C3orf20: variants seen among roughly 807,000 people sequenced by gnomAD.
C3orf20 encodes uncharacterized protein C3orf20.
C3orf20 carries 76 observed loss-of-function variants against 88.3 expected under a neutral mutation model. That is an observed-to-expected ratio of 0.86 (90% confidence interval 0.72 to 1.04). The LOEUF (loss-of-function observed/expected upper bound fraction) is 1.04. Ranked by LOEUF, C3orf20 falls within the 50% of genes least tolerant of loss-of-function variation. The probability of loss-of-function intolerance (pLI) is 0.00; values close to 1 mark genes in which losing one functional copy is unlikely to be tolerated. For missense variants in C3orf20, 1,056 were observed against 1,123.3 expected (o/e 0.94, Z 0.86); for synonymous variants, 436 against 437.4 (o/e 1.00, Z 0.04).
chr3:14,762,478 G>A (rs1278160813), intron 15 of C3orf20, among the ~76,000 whole-genome samples: 2 of 152,198 alleles, frequency 1.3e-5, no homozygotes, highest in Non-Finnish European at 2.9e-5. Flanking sequence ...AGAATGCCTG[G>A]GCAGCACGGT....
chr3:14,740,007 A>G (rs1333120028), intron 12 of C3orf20, among the ~76,000 whole-genome samples: 3 of 152,370 alleles, frequency 2.0e-5, no homozygotes, highest in Non-Finnish European at 2.9e-5. Flanking sequence ...CATATCAGCA[A>G]TAAGGCTGTT....
chr3:14,728,322 G>A, intron 11 of C3orf20, 117 bp from the exon 12 acceptor site: 1 of 1,227,362 alleles, frequency 8.1e-7, no homozygotes, highest in Non-Finnish European at 1.2e-6. Context: ...ATCAATGAGA[G>A]CGGAGGGGAG....
At chr3:14,678,396 G>A (rs893275159) in intron 1 of C3orf20, among the ~76,000 whole-genome samples, 7 of 152,192 alleles carry the variant, frequency 4.6e-5, no homozygotes, top group Non-Finnish European at 1.0e-4. Context: ...CCCTCCCAGT[G>A]ACACTTCCTT....
At chr3:14,704,823 C>T (rs2033431236) in intron 7 of C3orf20, among the ~76,000 whole-genome samples, 1 of 152,150 alleles carries the variant, frequency 6.6e-6, no homozygotes, top group African/African-American at 2.4e-5. Context: ...ACGTTCAGTT[C>T]AGATCAACAG....
chr3:14,690,126 G>A lies in C3orf20; in HGVS notation c.745+10G>A. ...GCCAAGAAGAAAATAGGTAAAAATGGTTCCTCGTGGCCTACCATTCATTGG... is the reference window on the plus strand; with the variant it reads ...GCCAAGAAGAAAATAGGTAAAAATGATTCCTCGTGGCCTACCATTCATTGG... On this transcript the variant is annotated intron_variant, in intron 5 of 16. Coordinates refer to ENST00000253697, the MANE Select transcript of C3orf20 (RefSeq NM_032137.5). 6.2e-7 allele frequency: 1 copy of A among 1,613,908 alleles called. No individual in the cohort carries two copies. The highest frequency in any genetic ancestry group is 8.5e-7 in the Non-Finnish European group (1 of 1,179,864).
At position 14,704,511 on chromosome 3, in the gene C3orf20, C is replaced by A. The variant is rs182924659; in HGVS notation, c.1053C>A (p.His351Gln). The stretch of plus-strand genomic sequence containing the variant: ...CTCAGACTCTCAGCCCCACCTCTCA[C>A]CCATCTTCTGCCAACCATCATTTCA... The part of the protein sequence containing the change: ...AGAQTLSPTS[H>Q]PSSANHHFSQ... Residue 351 changes from histidine (H) to glutamine (Q), a missense_variant, in exon 7 of 17, where the codon CAC becomes CAA. Physicochemically the swap from His to Gln is conservative, Grantham distance 24 (BLOSUM62 0). Transcript: ENST00000253697. The A allele has an allele frequency of 8.7e-6, 14 of 1,614,170 alleles. No individual in the cohort carries two copies. Among genetic ancestry groups the A allele is most frequent in the Non-Finnish European group, 1.1e-5 (13 of 1,180,034 alleles).
chr3:14,770,140 G>C (rs902647649), intron 15 of C3orf20, among the ~76,000 whole-genome samples: 1 of 152,082 alleles, frequency 6.6e-6, no homozygotes, highest in African/African-American at 2.4e-5. Flanking sequence ...AGAATGGCAG[G>C]GACTGGACCA....
Position 14,683,336 on chromosome 3 carries a change from CCT to C in C3orf20, c.484+143_484+144del, listed in dbSNP as rs2124886355. 1.2e-5 allele frequency: 13 copies of C among 1,075,564 alleles called. No individual in the cohort carries two copies. The South Asian group carries it at 2.2e-4, about 18-fold the overall frequency. The allele number at this position is 1,075,564 out of a possible 1,614,324, so 66.6% of individuals were successfully genotyped here. A position where few individuals can be genotyped will look rare whatever the true frequency, so the allele number is the denominator to read the frequency against. On this transcript the variant is annotated intron_variant, in intron 3 of 16. Coordinates refer to ENST00000253697, the MANE Select transcript of C3orf20 (RefSeq NM_032137.5). The stretch of plus-strand genomic sequence containing the variant: ...TTCCCTCTGCGGCTCCTGGAATCAT[CCT>C]CTCACTCCTCCCTGTTCTCCCATTT...
At chr3:14,760,604 TTC>T (rs1297069077) in intron 14 of C3orf20, among the ~76,000 whole-genome samples, 23 of 112,210 alleles carry the variant, frequency 2.0e-4, no homozygotes, top group African/African-American at 8.1e-4. Context: ...AGAGTCTGTC[TTC>T]TTTTTTTTTT....
chr3:14,750,588 G>A (rs1009812536), intron 12 of C3orf20, among the ~76,000 whole-genome samples: 5 of 150,462 alleles, frequency 3.3e-5, no homozygotes, highest in African/African-American at 1.2e-4. Context: ...GGCTGACAAG[G>A]TTTTTTTTTC....
intron 12 of C3orf20, among the ~76,000 whole-genome samples, chr3:14,734,726 A>G (rs1250737100): frequency 3.3e-5 from 5 of 152,086 alleles, no homozygotes; most frequent in Non-Finnish European, 5.9e-5. Context: ...TATTAATCAT[A>G]TTGCTTAAAT....
Position 14,704,336 on chromosome 3 carries a change from G to A in C3orf20, c.879-1G>A. The A allele has an allele frequency of 1.2e-6, 2 of 1,614,052 alleles. No individual in the cohort carries two copies. Among genetic ancestry groups the A allele is most frequent in the Non-Finnish European group, 1.7e-6 (2 of 1,179,932 alleles). On this transcript the variant is annotated splice_acceptor_variant, in intron 6 of 16. Coordinates refer to ENST00000253697, the MANE Select transcript of C3orf20 (RefSeq NM_032137.5). LOFTEE classifies it high-confidence loss of function. ...CAATATATTGCTCTCCTTCTCTGCA[G>A]AGAAGCTGAAAGGGCCACATGGAAA... is the stretch of plus-strand genomic sequence containing the variant.
rs984434629 is a variant in C3orf20, at chr3:14,773,027, G to A, written c.*152G>A. Reference sequence around the variant, plus strand: ...TCCAGCATTGGGGTGAGGCTCTGGGGAAGGACAGACCCAGCTCATTCTGTC... The same window carrying A: ...TCCAGCATTGGGGTGAGGCTCTGGGAAAGGACAGACCCAGCTCATTCTGTC... On this transcript the variant is annotated 3_prime_UTR_variant, in exon 17 of 17. Transcript: ENST00000253697. The A allele has an allele frequency of 1.2e-5, 8 of 644,758 alleles. No individual in the cohort carries two copies. Among genetic ancestry groups the A allele is most frequent in the Non-Finnish European group, 5.6e-6 (2 of 355,696 alleles). The allele number at this position is 644,758 out of a possible 1,614,324, so 39.9% of individuals were successfully genotyped here.
At chr3:14,730,660 A>C (rs1290113565) in intron 12 of C3orf20, among the ~76,000 whole-genome samples, 1 of 152,252 alleles carries the variant, frequency 6.6e-6, no homozygotes, top group Non-Finnish European at 1.5e-5. Context: ...ATTGATTGGC[A>C]TATGCCAGGA....
chr3:14,772,700 G>A lies in C3orf20; in HGVS notation c.2631-91G>A. ...ACAGCCTCACCTGTGCAAGGGAGAG[G>A]GCCTTGCCCCTCCTGGCCCAACCGG... On this transcript the variant is annotated intron_variant, in intron 16 of 16. Coordinates refer to ENST00000253697, the MANE Select transcript of C3orf20 (RefSeq NM_032137.5). This position sits in a 1 kb window ranked among gnomAD's most constrained non-coding sequence, Gnocchi z 4.2. 1.0e-6 allele frequency: 1 copy of A among 1,002,438 alleles called. No homozygotes were observed. Among genetic ancestry groups the A allele is most frequent in the South Asian group, 1.4e-5 (1 of 73,046 alleles). 62.1% of individuals were successfully genotyped at this position (1,002,438 alleles called of 1,614,324 possible).
At chr3:14,694,119 C>T (rs1328072979) in intron 5 of C3orf20, among the ~76,000 whole-genome samples, 5 of 152,072 alleles carry the variant, frequency 3.3e-5, no homozygotes, top group Non-Finnish European at 5.9e-5. Flanking sequence ...GATTTTTGCA[C>T]CAGTATTCAT....
chr3:14,747,966 A>C (rs1229251914), intron 12 of C3orf20, among the ~76,000 whole-genome samples: 1 of 151,730 alleles, frequency 6.6e-6, no homozygotes, highest in Non-Finnish European at 1.5e-5. Context: ...TCTTTTTTGT[A>C]GTGTCTTTGT....
chr3:14,723,138 C>G (rs933956766), intron 10 of C3orf20, among the ~76,000 whole-genome samples: 1 of 152,196 alleles, frequency 6.6e-6, no homozygotes, highest in Non-Finnish European at 1.5e-5. Context: ...CAAAAGTGTC[C>G]TGGTTTGGAT....
chr3:14,692,474 A>G (rs575969184), intron 5 of C3orf20, among the ~76,000 whole-genome samples: 1 of 152,088 alleles, frequency 6.6e-6, no homozygotes, highest in East Asian at 1.9e-4. Flanking sequence ...TGTAGTTTTA[A>G]TTTGCATTTC....
Sources: allele counts gnomAD v4.1 joint callset (sites outside exome capture counted in the v4.1 genomes callset), GRCh38; gene constraint gnomAD v4.1.1; non-coding constraint Gnocchi (gnomAD v3.1); transcripts MANE v1.5; gene names NCBI Gene and HGNC (gene_info 2026-07-23, HGNC 2026-07-21).